The following MYH11 variants were observed in gnomAD, a reference collection of about 807,000 sequenced individuals.
MYH11 encodes myosin-11.
MYH11 carries 80 observed loss-of-function variants against 246.6 expected under a neutral mutation model. The ratio of observed to expected loss-of-function variants is 0.32; its 90% confidence interval spans 0.27 to 0.39. MYH11 has a LOEUF of 0.39. MYH11 is among the 10% of genes least tolerant of loss of function. The probability of loss-of-function intolerance (pLI) is 1.00; values close to 1 mark genes in which losing one functional copy is unlikely to be tolerated. For synonymous variants in MYH11, 1,071 were observed against 1,015.5 expected (o/e 1.05, Z -1.04); for missense variants, 2,158 against 2,546.8 (o/e 0.85, Z 3.29).
rs61583443 is a variant in MYH11, at chr16:15,851,180, G to T, written c.-18+5761C>A. 1.1e-4 allele frequency among the ~76,000 whole-genome samples: 16 copies of T among 152,240 alleles called. No individual in the cohort carries two copies. In the East Asian group the frequency reaches 3.1e-3, roughly 29 times the overall value. On this transcript the variant is annotated intron_variant, in intron 1 of 40. Transcript: ENST00000300036. Reference sequence around the variant, plus strand: ...TCTGCAGTGGAAATCCTCGCTCAAGGCCTGGTCCAGGTGTAGGGAGGCATC... The same window carrying T: ...TCTGCAGTGGAAATCCTCGCTCAAGTCCTGGTCCAGGTGTAGGGAGGCATC...
chr16:15,732,774 A>G, intron 26 of MYH11, 66 bp from the exon 27 acceptor site: 1 of 1,592,896 alleles, frequency 6.3e-7, no homozygotes, highest in Non-Finnish European at 8.6e-7. Context: ...GTGCCGTGCA[A>G]AAGAATGAGA....
At chr16:15,826,487 G>T (rs1376381861) in intron 2 of MYH11, among the ~76,000 whole-genome samples, 1 of 151,980 alleles carries the variant, frequency 6.6e-6, no homozygotes, top group Non-Finnish European at 1.5e-5. Context: ...CACTTGGGAG[G>T]CTGAGGTGGG....
At chr16:15,706,046 G>C (rs56403331) in intron 40 of MYH11, among the ~76,000 whole-genome samples, 21,694 of 147,776 alleles carry the variant, frequency 0.15, 3,447 homozygotes, top group African/African-American at 0.4. Flanking sequence ...AGAGGAATTC[G>C]CAAATGACCC....
chr16:15,800,617 A>ATGGG (rs1402897165), intron 3 of MYH11, among the ~76,000 whole-genome samples: 1 of 150,864 alleles, frequency 6.6e-6, no homozygotes, highest in East Asian at 2.0e-4. Flanking sequence ...GGATGGATGG[A>ATGGG]TGGATGGATG....
intron 1 of MYH11, among the ~76,000 whole-genome samples, chr16:15,856,216 G>GT (rs200969726): frequency 9.1e-5 from 11 of 121,232 alleles, no homozygotes; most frequent in African/African-American, 1.9e-4. Context: ...ACCTGGGTGA[G>GT]TTGTTTTTTT....
intron 1 of MYH11, among the ~76,000 whole-genome samples, chr16:15,855,148 G>A (rs1028145430): frequency 2.0e-5 from 3 of 152,010 alleles, no homozygotes; most frequent in African/African-American, 7.2e-5. Context: ...CATCTATTTC[G>A]GACATGATAA....
At chr16:15,832,891 TGCCCACCTTCCA>T (rs2043777433) in intron 2 of MYH11, among the ~76,000 whole-genome samples, 1 of 144,050 alleles carries the variant, frequency 6.9e-6, no homozygotes, top group Admixed American at 7.0e-5. Context: ...ATCCCAGCTC[TGCCCACCTTCCA>T]GTGGTGGGAC....
rs780699013 is a variant in MYH11 at position 15,830,110 on chromosome 16, G to A, written c.346-6699C>T. Among the ~76,000 whole-genome samples the A allele has an allele frequency of 2.1e-3, 318 of 149,374 alleles. 2 individuals are homozygous for A. Among genetic ancestry groups the A allele is most frequent in the Non-Finnish European group, 4.1e-3 (273 of 67,384 alleles). On this transcript the variant is annotated intron_variant, in intron 2 of 40. Coordinates refer to ENST00000300036, the MANE Select transcript of MYH11 (RefSeq NM_002474.3). ...AGATTGTGCCACTCCACTCCAGCCT[G>A]GGTGATACAGCGAGACTTGGTCTCA...
At chr16:15,842,211 C>T (rs1212943676) in intron 1 of MYH11, among the ~76,000 whole-genome samples, 2 of 152,062 alleles carry the variant, frequency 1.3e-5, no homozygotes, top group Admixed American at 1.3e-4. Context: ...ACATGTGAAA[C>T]CCCATCTCTA....
chr16:15,782,035 C>A (rs2042367627), intron 6 of MYH11, among the ~76,000 whole-genome samples: 1 of 152,070 alleles, frequency 6.6e-6, no homozygotes, highest in Non-Finnish European at 1.5e-5. Flanking sequence ...GTGCTCAATA[C>A]CTAATTTTTT....
chr16:15,850,214 G>A (rs552337912), intron 1 of MYH11, among the ~76,000 whole-genome samples: 3 of 151,812 alleles, frequency 2.0e-5, no homozygotes, highest in East Asian at 3.9e-4. Context: ...GTGAAACCCC[G>A]TCTCTACTAA....
chr16:15,759,093 G>A (rs2041805438), intron 12 of MYH11, among the ~76,000 whole-genome samples: 1 of 151,748 alleles, frequency 6.6e-6, no homozygotes, highest in East Asian at 1.9e-4. Context: ...CCTGCAAACA[G>A]TTCTTGGCTT....
intron 3 of MYH11, among the ~76,000 whole-genome samples, chr16:15,801,971 C>CA (rs143598427): frequency 0.04 from 6,051 of 151,540 alleles, 379 homozygotes; most frequent in African/African-American, 0.14. Context: ...ACAAAACAAA[C>CA]AAAAAAAACC....
chr16:15,829,114 G>A (rs987604340), intron 2 of MYH11, among the ~76,000 whole-genome samples: 1 of 151,616 alleles, frequency 6.6e-6, no homozygotes, highest in Non-Finnish European at 1.5e-5. Flanking sequence ...AACCAAGGAG[G>A]CAGAGGTTAT....
chr16:15,828,180 A>G (rs1251842516), intron 2 of MYH11, among the ~76,000 whole-genome samples: 2 of 152,186 alleles, frequency 1.3e-5, no homozygotes, highest in African/African-American at 4.8e-5. Context: ...AGTCTCACTT[A>G]TCCTCATCTA....
chr16:15,763,741 T>TCGGGGCCCCCCCCCCCCC, intron 10 of MYH11, 55 bp downstream of exon 10: 3 of 646,842 alleles, frequency 4.6e-6, no homozygotes, highest in Non-Finnish European at 8.7e-6. Context: ...AAATGTCACC[T>TCGGGGCCCCCCCCCCCCC]CCCCCACCCC....
At chr16:15,832,822 C>G (rs758852839) in intron 2 of MYH11, among the ~76,000 whole-genome samples, 2 of 152,018 alleles carry the variant, frequency 1.3e-5, no homozygotes, top group Admixed American at 6.6e-5. Flanking sequence ...CCCCAAGAGC[C>G]CTTTGCTACT....
intron 10 of MYH11, among the ~76,000 whole-genome samples, chr16:15,763,411 G>T (rs570867421): frequency 6.6e-6 from 1 of 152,226 alleles, no homozygotes; most frequent in South Asian, 2.1e-4. Flanking sequence ...TTAGGGGTAG[G>T]ACGTGATGAC....
chr16:15,750,391 A>T lies in MYH11; in HGVS notation c.1865-60T>A, dbSNP rs962713660. ...GCCCACCCACCCCTAAATAGGCCAG[A>T]GGCTCAGCCCCAGCCCCACCCACCA... is the stretch of plus-strand genomic sequence containing the variant. On this transcript the variant is annotated intron_variant, in intron 15 of 40. Coordinates refer to ENST00000300036, the MANE Select transcript of MYH11 (RefSeq NM_002474.3). This position sits in a 1 kb window ranked among gnomAD's most constrained non-coding sequence, Gnocchi z 4.3. 1.7e-4 allele frequency: 258 copies of T among 1,514,342 alleles called. No individual in the cohort carries two copies. Among genetic ancestry groups the T allele is most frequent in the Admixed American group, 8.6e-4 (44 of 51,056 alleles). The allele number at this position is 1,514,342 out of a possible 1,614,324, so 93.8% of individuals were successfully genotyped here.
Sources: gnomAD v4.1 joint callset for allele counts (sites outside exome capture counted in the v4.1 genomes callset) on GRCh38, gnomAD v4.1.1 for gene constraint, Gnocchi (gnomAD v3.1) non-coding constraint, MANE v1.5 for transcripts, NCBI Gene and HGNC (gene_info 2026-07-23, HGNC 2026-07-21) for gene names.